Variants in EDAR observed in about 807,000 individuals in gnomAD.
EDAR encodes tumor necrosis factor receptor superfamily member EDAR.
In EDAR, 38 loss-of-function variants were observed where a neutral mutation model predicts 51.3. The ratio of observed to expected loss-of-function variants is 0.74; its 90% CI spans 0.57 to 0.97. The LOEUF (loss-of-function observed/expected upper bound fraction) is 0.97. Ranked by LOEUF, EDAR falls within the 50% of genes least tolerant of loss-of-function variation. The pLI is 0.00. For missense variants in EDAR, 528 were observed against 595.0 expected (o/e 0.89, Z 1.17); for synonymous variants, 227 against 242.1 (o/e 0.94, Z 0.58).
intron 1 of EDAR, among the ~76,000 whole-genome samples, chr2:108,951,451 T>C (rs1485234854): frequency 1.3e-5 from 2 of 152,222 alleles, no homozygotes. Flanking sequence ...TACTAGCACG[T>C]AGTGAACTCC....
intron 1 of EDAR, among the ~76,000 whole-genome samples, chr2:108,975,622 C>A (rs1698310064): frequency 6.6e-6 from 1 of 152,114 alleles, no homozygotes; most frequent in South Asian, 2.1e-4. Context: ...CAGCCAGCAC[C>A]AATAAGCCTA....
At chr2:108,961,176 G>A (rs1276782300) in intron 1 of EDAR, among the ~76,000 whole-genome samples, 1 of 152,238 alleles carries the variant, frequency 6.6e-6, no homozygotes, top group East Asian at 1.9e-4. Flanking sequence ...CCCTGACTGG[G>A]TTTTGGAGGC....
rs368706624 is a variant in EDAR at position 108,910,853 on chromosome 2, G to C, written c.656-3C>G. 8 of 1,614,134 alleles carry C rather than the reference G, an allele frequency of 5.0e-6. No individual in the cohort carries two copies. Among genetic ancestry groups the C allele is most frequent in the Non-Finnish European group, 6.8e-6 (8 of 1,180,018 alleles). ...CCCCGGGTGGCTGGTGCAACAGGCT[G>C]GGGAGAGAGGAGGGAGTGAGCAGCC... On this transcript the variant is annotated splice_polypyrimidine_tract_variant and splice_region_variant and intron_variant, in intron 7 of 11. Transcript: ENST00000258443.
chr2:108,970,487 A>G (rs1205137721), intron 1 of EDAR, among the ~76,000 whole-genome samples: 1 of 152,126 alleles, frequency 6.6e-6, no homozygotes, highest in East Asian at 1.9e-4. Context: ...GGAGGGCAGG[A>G]CACTGAGTGG....
At chr2:108,940,071 A>T (rs973457044) in intron 1 of EDAR, 16 of 152,282 alleles carry the variant, frequency 1.1e-4, no homozygotes, top group African/African-American at 3.6e-4. Context: ...CATCAATTTG[A>T]CTGAGACGAT....
chr2:108,986,885 T>C (rs2104494520), intron 1 of EDAR, among the ~76,000 whole-genome samples: 1 of 152,346 alleles, frequency 6.6e-6, no homozygotes, highest in East Asian at 1.9e-4. Context: ...GGGGCTTTTG[T>C]CCCCTAATTG....
intron 1 of EDAR, among the ~76,000 whole-genome samples, chr2:108,987,262 G>A (rs930276528): frequency 5.3e-5 from 8 of 152,268 alleles, no homozygotes; most frequent in Admixed American, 2.6e-4. Context: ...AGGAGCGTCA[G>A]GTAACCCAGC....
chr2:108,910,733 T>G (rs1306533147), intron 8 of EDAR, 43 bp downstream of exon 8: 1 of 1,604,080 alleles, frequency 6.2e-7, no homozygotes, highest in Non-Finnish European at 8.5e-7. Context: ...CACCCAGAGA[T>G]GGGCACCGTG....
Position 108,912,732 on chromosome 2 carries a change from A to G in EDAR, c.475T>C (p.Phe159Leu). The change falls in exon 6 of 12, where the codon TTC becomes CTC. Residue 159 changes from phenylalanine (F) to leucine (L), a missense_variant. Coordinates refer to ENST00000258443, the MANE Select transcript of EDAR (RefSeq NM_022336.4). ...VGATSGASAN[F>L]PGTSGSSTLS... ...GTGCTGCTGCCCGAGGTGCCAGGGA[A>G]GTTGGCAGAAGCTCCTGAAGTGGCT... 1 of 1,601,982 alleles carries G rather than the reference A, an allele frequency of 6.2e-7. No homozygotes were observed. Among genetic ancestry groups the G allele is most frequent in the Non-Finnish European group, 8.5e-7 (1 of 1,174,740 alleles).
chr2:108,976,594 C>T (rs1471828011), intron 1 of EDAR, among the ~76,000 whole-genome samples: 1 of 152,212 alleles, frequency 6.6e-6, no homozygotes, highest in Non-Finnish European at 1.5e-5. Flanking sequence ...AGTTCCTCTG[C>T]ACGGGAGACC....
At chr2:108,907,098 GCTC>G (rs1340786321) in intron 10 of EDAR, among the ~76,000 whole-genome samples, 4 of 152,224 alleles carry the variant, frequency 2.6e-5, no homozygotes. Context: ...CCCCTGCCCT[GCTC>G]CTGGCCACAG....
chr2:108,904,194 CAG>C (rs968846834), intron 11 of EDAR, among the ~76,000 whole-genome samples: 4 of 151,950 alleles, frequency 2.6e-5, no homozygotes, highest in South Asian at 2.1e-4. Context: ...AGAGGACACA[CAG>C]ATGAAAAAAA....
intron 1 of EDAR, among the ~76,000 whole-genome samples, chr2:108,962,519 A>T (rs958180091): frequency 2.0e-5 from 3 of 151,536 alleles, no homozygotes; most frequent in African/African-American, 7.3e-5. Context: ...TAAAAATACA[A>T]AAAAAATTAG....
rs1696598496 is a variant in EDAR, at chr2:108,896,656, T to C, written c.*251A>G. On this transcript the variant is annotated 3_prime_UTR_variant, in exon 12 of 12. Coordinates refer to ENST00000258443, the MANE Select transcript of EDAR (RefSeq NM_022336.4). ...ATGGTGGGCTGGTGGGCTGGCTGTA[T>C]GAGTGAGTAGATATTTACTCTGCCT... The C allele has an allele frequency of 3.8e-6, 2 of 523,748 alleles. No homozygotes were observed. Among genetic ancestry groups the C allele is most frequent in the Non-Finnish European group, 6.9e-6 (2 of 291,832 alleles). The allele number at this position is 523,748 out of a possible 1,614,324, so 32.4% of individuals were successfully genotyped here.
intron 1 of EDAR, among the ~76,000 whole-genome samples, chr2:108,935,687 C>G (rs929969365): frequency 1.3e-5 from 2 of 152,138 alleles, no homozygotes; most frequent in Non-Finnish European, 2.9e-5. Flanking sequence ...GACACCGATT[C>G]CCTTAATCTT....
intron 1 of EDAR, among the ~76,000 whole-genome samples, chr2:108,971,037 T>C (rs1475562568): frequency 2.6e-5 from 4 of 152,124 alleles, no homozygotes; most frequent in Non-Finnish European, 5.9e-5. Flanking sequence ...CAGGGGATGA[T>C]GCTGGTGGTG....
In EDAR at chr2:108,906,352, T is replaced by C. The variant is rs780881119; in HGVS notation, c.980A>G (p.Lys327Arg). ...GTTGGCATACACATCGAGGATCTTT[T>C]TCCTCCGGCTTTGAATCTGTGAAAA... The part of the protein sequence containing the change: ...NKSAGIQSRR[K>R]KILDVYANVC... Residue 327 changes from lysine (K) to arginine (R), a missense_variant, in exon 11 of 12, where the codon AAA becomes AGA. Coordinates refer to ENST00000258443, the MANE Select transcript of EDAR (RefSeq NM_022336.4). 2 of 1,614,180 alleles carry C rather than the reference T, an allele frequency of 1.2e-6. No individual in the cohort carries two copies. Among genetic ancestry groups the C allele is most frequent in the Non-Finnish European group, 1.7e-6 (2 of 1,180,036 alleles).
intron 1 of EDAR, among the ~76,000 whole-genome samples, chr2:108,953,865 A>T (rs1697870420): frequency 6.6e-6 from 1 of 152,184 alleles, no homozygotes. Context: ...GGTCAAGTGA[A>T]GTTGAACCAG....
intron 1 of EDAR, among the ~76,000 whole-genome samples, chr2:108,936,022 G>A (rs913515745): frequency 3.3e-5 from 5 of 152,194 alleles, no homozygotes; most frequent in Non-Finnish European, 7.3e-5. Context: ...GAAGGTGGCC[G>A]TCCTCCCTAC....
Sources: allele counts gnomAD v4.1 joint callset (sites outside exome capture counted in the v4.1 genomes callset), GRCh38; gene constraint gnomAD v4.1.1; transcripts MANE v1.5; gene names NCBI Gene and HGNC (gene_info 2026-07-23, HGNC 2026-07-21).